Variants in TMEM116 observed in about 807,000 individuals in gnomAD.
TMEM116 encodes transmembrane protein 116.
A neutral mutation model predicts 44.3 loss-of-function variants in TMEM116; 38 were observed. The ratio of observed to expected loss-of-function variants is 0.86; its 90% confidence interval spans 0.66 to 1.12. The LOEUF (loss-of-function observed/expected upper bound fraction) is 1.12. Among genes scored for constraint, TMEM116 ranks in the 50% most tolerant of loss-of-function variants. The pLI, the probability that TMEM116 is intolerant of heterozygous loss-of-function variation, is 0.00. For missense variants in TMEM116, 354 were observed against 401.7 expected (o/e 0.88, Z 1.01); for synonymous variants, 132 against 144.8 (o/e 0.91, Z 0.64).
chr12:111,945,210 G>T lies in TMEM116; in HGVS notation c.211-1841C>A, dbSNP rs555314399. ...AATACAAAAATTAGCCAGGCATGGTGGTGTGTGCCTGTAGTCCCAGCTACT... is the reference window on the plus strand; with the variant it reads ...AATACAAAAATTAGCCAGGCATGGTTGTGTGTGCCTGTAGTCCCAGCTACT... On this transcript the variant is annotated intron_variant, in intron 4 of 10. Transcript: ENST00000552374. Among the ~76,000 whole-genome samples, 66 of 151,550 alleles carry T rather than the reference G, an allele frequency of 4.4e-4. 1 individual carries two copies. The highest frequency in any genetic ancestry group is 3.4e-3 in the Middle Eastern group (1 of 292).
At chr12:111,934,263 C>A in intron 8 of TMEM116, 1 of 459,872 alleles carries the variant, frequency 2.2e-6, no homozygotes, top group Non-Finnish European at 3.9e-6. Flanking sequence ...TTGTGTATCA[C>A]GTTTAACACA....
chr12:112,002,593 A>G (rs1441825519), intron 3 of TMEM116, among the ~76,000 whole-genome samples: 1 of 151,810 alleles, frequency 6.6e-6, no homozygotes, highest in African/African-American at 2.4e-5. Context: ...AAAAGAAAAA[A>G]GCAAAAAACC....
At chr12:111,987,038 A>C (rs775823903) in intron 4 of TMEM116, among the ~76,000 whole-genome samples, 2 of 152,210 alleles carry the variant, frequency 1.3e-5, no homozygotes, top group African/African-American at 4.8e-5. Context: ...CAAAAGAAAA[A>C]ATGAATTGTA....
At chr12:111,938,547 C>A (rs1235268236) in intron 5 of TMEM116, among the ~76,000 whole-genome samples, 6 of 152,142 alleles carry the variant, frequency 3.9e-5, no homozygotes, top group Non-Finnish European at 5.9e-5. Context: ...TATAGTAACC[C>A]TCTATCTTCT....
intron 2 of TMEM116, among the ~76,000 whole-genome samples, chr12:112,004,972 T>C (rs1223849383): frequency 6.6e-6 from 1 of 152,230 alleles, no homozygotes; most frequent in Non-Finnish European, 1.5e-5. Flanking sequence ...ATTCCAATTT[T>C]TAGTATAGGT....
intron 1 of TMEM116, chr12:112,006,015 T>C (rs894602279): frequency 1.0e-6 from 1 of 984,710 alleles, no homozygotes; most frequent in Non-Finnish European, 1.2e-6. Context: ...CAGTCCCAGC[T>C]ACCCTTGAGC....
chr12:111,949,317 C>A (rs1466448620), intron 4 of TMEM116, among the ~76,000 whole-genome samples: 1 of 152,058 alleles, frequency 6.6e-6, no homozygotes, highest in African/African-American at 2.4e-5. Context: ...ATAGTTGATT[C>A]CACAAGTTCA....
chr12:111,940,168 G>A (rs1159799717), intron 5 of TMEM116, among the ~76,000 whole-genome samples: 1 of 151,838 alleles, frequency 6.6e-6, no homozygotes, highest in Non-Finnish European at 1.5e-5. Flanking sequence ...AGCTCCTCAG[G>A]AGGCTGAAGC....
chr12:111,996,699 C>T (rs1037109734), intron 3 of TMEM116, among the ~76,000 whole-genome samples: 1 of 151,828 alleles, frequency 6.6e-6, no homozygotes, highest in African/African-American at 2.4e-5. Flanking sequence ...AAAACATGTA[C>T]AAGAATGCTT....
At chr12:111,991,528 A>G (rs937602671) in intron 4 of TMEM116, among the ~76,000 whole-genome samples, 13 of 151,982 alleles carry the variant, frequency 8.6e-5, no homozygotes, top group Non-Finnish European at 1.9e-4. Context: ...GTCTCAGAAA[A>G]AAAAAAAAAA....
At chr12:111,942,800 G>A (rs910177337) in intron 5 of TMEM116, among the ~76,000 whole-genome samples, 5 of 152,074 alleles carry the variant, frequency 3.3e-5, no homozygotes, top group African/African-American at 2.4e-5. Context: ...GTGTGGGTGT[G>A]TGTATGTGTG....
intron 4 of TMEM116, among the ~76,000 whole-genome samples, chr12:111,973,492 C>T (rs867811770): frequency 5.9e-5 from 9 of 152,156 alleles, no homozygotes; most frequent in East Asian, 1.9e-4. Flanking sequence ...TAAAAATATA[C>T]GTAAGTAAAG....
At chr12:111,984,835 T>G (rs1287916752) in intron 4 of TMEM116, among the ~76,000 whole-genome samples, 2 of 151,702 alleles carry the variant, frequency 1.3e-5, no homozygotes, top group Non-Finnish European at 2.9e-5. Flanking sequence ...ACCCACAAAA[T>G]TAAAAAAAAA....
At position 111,964,522 on chromosome 12, in the gene TMEM116, A is replaced by G. The variant is rs529772127; in HGVS notation, c.211-21153T>C. Among the ~76,000 whole-genome samples, 5 of 152,186 alleles carry G rather than the reference A, an allele frequency of 3.3e-5. No individual in the cohort carries two copies. In the South Asian group the frequency reaches 1.0e-3, roughly 32 times the overall value. On this transcript the variant is annotated intron_variant, in intron 4 of 10. Transcript: ENST00000552374. ...GATAAGGAAACACCAAAGTGACTCT[A>G]AGAATTTATTCTCATCAACAATCCT...
intron 4 of TMEM116, among the ~76,000 whole-genome samples, chr12:111,950,307 A>G (rs1035448545): frequency 1.3e-5 from 2 of 152,020 alleles, no homozygotes; most frequent in African/African-American, 4.8e-5. Flanking sequence ...TGCTGTGGAC[A>G]TCTTTCCCCA....
chr12:111,940,534 T>C (rs1565874133), intron 5 of TMEM116, among the ~76,000 whole-genome samples: 4 of 117,404 alleles, frequency 3.4e-5, no homozygotes, highest in Non-Finnish European at 6.3e-5. Context: ...TATATATATA[T>C]ATATATATAT....
chr12:111,975,890 T>C (rs1262710137), intron 4 of TMEM116, among the ~76,000 whole-genome samples: 1 of 152,196 alleles, frequency 6.6e-6, no homozygotes, highest in African/African-American at 2.4e-5. Context: ...GATTATAGAA[T>C]GCTTCCCCTC....
chr12:111,969,662 C>T (rs2075213062), intron 4 of TMEM116, among the ~76,000 whole-genome samples: 1 of 152,132 alleles, frequency 6.6e-6, no homozygotes, highest in African/African-American at 2.4e-5. Context: ...ACTGCAAGCT[C>T]CGCCTCCCGG....
At chr12:111,942,130 G>T (rs568551449) in intron 5 of TMEM116, among the ~76,000 whole-genome samples, 1 of 151,910 alleles carries the variant, frequency 6.6e-6, no homozygotes, top group Non-Finnish European at 1.5e-5. Flanking sequence ...TAGAGACGGG[G>T]TTTCTCCATA....
Sources: allele counts gnomAD v4.1 joint callset (sites outside exome capture counted in the v4.1 genomes callset), GRCh38; gene constraint gnomAD v4.1.1; transcripts MANE v1.5; gene names NCBI Gene and HGNC (gene_info 2026-07-23, HGNC 2026-07-21).